The following LRRC8C variants were observed in gnomAD, a reference collection of about 807,000 sequenced individuals.
LRRC8C encodes leucine rich repeat containing 8 VRAC subunit C.
Under a neutral mutation model 55.3 loss-of-function variants are expected in LRRC8C, and 20 were observed. The observed-to-expected ratio is 0.36, with a 90% CI of 0.25 to 0.53. LRRC8C has a LOEUF of 0.53. Ranked by LOEUF, LRRC8C falls within the 20% of genes least tolerant of loss-of-function variation. The pLI, the probability that LRRC8C is intolerant of heterozygous loss-of-function variation, is 0.92. For missense variants in LRRC8C, 659 were observed against 951.4 expected (o/e 0.69, Z 4.04); for synonymous variants, 376 against 360.7 (o/e 1.04, Z -0.48).
intron 2 of LRRC8C, among the ~76,000 whole-genome samples, chr1:89,698,787 C>T (rs1249506971): frequency 6.6e-6 from 1 of 151,792 alleles, no homozygotes; most frequent in Non-Finnish European, 1.5e-5. Context: ...CTAATAAAAA[C>T]AGACCTTTTA....
At chr1:89,676,568 G>A (rs1407554160) in intron 1 of LRRC8C, among the ~76,000 whole-genome samples, 3 of 152,116 alleles carry the variant, frequency 2.0e-5, no homozygotes, top group Non-Finnish European at 2.9e-5. Flanking sequence ...CAAAATGCTC[G>A]ATTGGGTGTG....
the LRRC8C span, among the ~76,000 whole-genome samples, chr1:89,623,496 G>A: frequency 1.8e-4 from 27 of 152,274 alleles, no homozygotes; most frequent in Non-Finnish European, 1.5e-4. Flanking sequence ...GCTGAAGTGG[G>A]CAGATCACAA....
At position 89,714,261 on chromosome 1, in the gene LRRC8C, C is replaced by T; in HGVS notation, c.1691C>T (p.Ser564Phe). ...ATCCCTCAGGCAGTGGTTGATGTTT[C>T]CAGCCATCTCCAGAAGATGTGCATA... ...SKIPQAVVDV[S>F]SHLQKMCIHN... The change falls in exon 3 of 3, where the codon TCC becomes TTC. Residue 564 changes from serine (S) to phenylalanine (F), a missense_variant. By Grantham distance (155) the Ser-to-Phe change is radical. Transcript: ENST00000370454. This position sits in a 1 kb window ranked among gnomAD's most constrained non-coding sequence, Gnocchi z 4.6. The T allele has an allele frequency of 1.2e-6, 2 of 1,614,066 alleles. No individual in the cohort carries two copies. Among genetic ancestry groups the T allele is most frequent in the Non-Finnish European group, 1.7e-6 (2 of 1,180,012 alleles).
At chr1:89,707,968 C>T (rs1321631588) in intron 2 of LRRC8C, among the ~76,000 whole-genome samples, 1 of 152,056 alleles carries the variant, frequency 6.6e-6, no homozygotes, top group African/African-American at 2.4e-5. Context: ...TTTTCCTTTC[C>T]ATAAATGATT....
chr1:89,698,914 T>A (rs1452151598), intron 2 of LRRC8C, among the ~76,000 whole-genome samples: 6 of 151,920 alleles, frequency 3.9e-5, no homozygotes, highest in Non-Finnish European at 8.8e-5. Context: ...CTGGCCATGA[T>A]ATAAATGTTA....
chr1:89,667,385 C>T (rs753729800), intron 1 of LRRC8C, among the ~76,000 whole-genome samples: 4 of 152,114 alleles, frequency 2.6e-5, no homozygotes, highest in Non-Finnish European at 4.4e-5. Flanking sequence ...CTTTCTGTAG[C>T]CTCTCACTCC....
At chr1:89,690,092 G>A (rs912773621) in intron 2 of LRRC8C, among the ~76,000 whole-genome samples, 2 of 152,164 alleles carry the variant, frequency 1.3e-5, no homozygotes, top group Non-Finnish European at 2.9e-5. Flanking sequence ...CCAGGAGTTT[G>A]GGGTTAGTGA....
intron 1 of LRRC8C, among the ~76,000 whole-genome samples, chr1:89,680,320 G>A (rs564494049): frequency 2.6e-5 from 4 of 151,972 alleles, no homozygotes; most frequent in East Asian, 1.9e-4. Context: ...CTTGTGATCC[G>A]CCCACCTCGG....
chr1:89,669,941 C>T (rs966370607), intron 1 of LRRC8C, among the ~76,000 whole-genome samples: 1 of 151,968 alleles, frequency 6.6e-6, no homozygotes, highest in Non-Finnish European at 1.5e-5. Flanking sequence ...TTGCCTTTTC[C>T]TATAATAAAA....
chr1:89,665,312 C>G (rs1254490488), intron 1 of LRRC8C, among the ~76,000 whole-genome samples: 1 of 152,028 alleles, frequency 6.6e-6, no homozygotes, highest in Admixed American at 6.6e-5. Flanking sequence ...CCATTAATAC[C>G]TAGTTTATTG....
At chr1:89,652,273 A>G (rs775484795) in intron 1 of LRRC8C, among the ~76,000 whole-genome samples, 25 of 152,156 alleles carry the variant, frequency 1.6e-4, no homozygotes, top group Non-Finnish European at 2.8e-4. Context: ...GATGAAAGGA[A>G]TTGAGATATT....
At chr1:89,679,194 T>A (rs1478478382) in intron 1 of LRRC8C, among the ~76,000 whole-genome samples, 1 of 152,022 alleles carries the variant, frequency 6.6e-6, no homozygotes, top group Non-Finnish European at 1.5e-5. Flanking sequence ...ACCAAAAGGC[T>A]GTGGTGTCCT....
chr1:89,680,549 C>CTTTTTTTTTTTTTTTTTT (rs10593283), intron 1 of LRRC8C, among the ~76,000 whole-genome samples: 2 of 91,870 alleles, frequency 2.2e-5, no homozygotes, highest in Non-Finnish European at 3.8e-5. Flanking sequence ...TGCTTTCATG[C>CTTTTTTTTTTTTTTTTTT]TTTTTTTTTT....
At chr1:89,692,911 T>A (rs1370881167) in intron 2 of LRRC8C, among the ~76,000 whole-genome samples, 3 of 152,134 alleles carry the variant, frequency 2.0e-5, no homozygotes, top group African/African-American at 7.2e-5. Context: ...TGACTCCAGG[T>A]TATCTTATTA....
upstream of LRRC8C, among the ~76,000 whole-genome samples, chr1:89,631,165 C>G (rs1280064308): frequency 1.3e-5 from 2 of 152,174 alleles, no homozygotes; most frequent in African/African-American, 4.8e-5. Flanking sequence ...GTGATTGGCA[C>G]TGTTCTTGGT....
At position 89,718,901 on chromosome 1, in the gene LRRC8C, T is replaced by G. The variant is rs1453062186; in HGVS notation, c.*3919T>G. 4 of 152,162 alleles carry G rather than the reference T, an allele frequency of 2.6e-5. No homozygotes were observed. The highest frequency in any genetic ancestry group is 5.9e-5 in the Non-Finnish European group (4 of 68,010). 9.4% of individuals were successfully genotyped at this position (152,162 alleles called of 1,614,324 possible). Reference sequence around the variant, plus strand: ...ACTGCTTAAAAGATCAAGAAAATTTTCTCATCTTTTCTTTCTACTTAGAAA... The same window carrying G: ...ACTGCTTAAAAGATCAAGAAAATTTGCTCATCTTTTCTTTCTACTTAGAAA... On this transcript the variant is annotated 3_prime_UTR_variant, in exon 3 of 3. Coordinates refer to ENST00000370454, the MANE Select transcript of LRRC8C (RefSeq NM_032270.5).
Position 89,712,891 on chromosome 1 carries a change from G to A in LRRC8C, c.321G>A (p.Gln107=). The change falls in exon 3 of 3, where the codon CAG becomes CAA. Residue 107 remains glutamine, a synonymous_variant. Transcript: ENST00000370454. ...KGLKTDLDLQ[Q]YSFINQMCYE... ...TGAAGACAGATTTGGACCTTCAGCA[G>A]TACAGCTTTATAAATCAGATGTGTT... The A allele has an allele frequency of 1.2e-6, 2 of 1,614,140 alleles. No individual in the cohort carries two copies. Among genetic ancestry groups the A allele is most frequent in the Non-Finnish European group, 1.7e-6 (2 of 1,180,028 alleles).
In LRRC8C at chr1:89,714,806, C is replaced by T. The variant is rs961562952; in HGVS notation, c.2236C>T (p.Pro746Ser). The change falls in exon 3 of 3, where the codon CCG becomes TCG. Residue 746 changes from proline to serine, a missense_variant. Pro to Ser is a moderately conservative substitution (Grantham distance 74, BLOSUM62 -1). Around this residue, in one of 5 missense-constraint regions of LRRC8C, gnomAD observed 344 missense variants for 464.6 expected, o/e 0.74. Coordinates refer to ENST00000370454, the MANE Select transcript of LRRC8C (RefSeq NM_032270.5). The surrounding 1 kb of genome is among the most constrained non-coding windows in gnomAD (Gnocchi z 4.6). The stretch of plus-strand genomic sequence containing the variant: ...AAAAAACAGCCTATCTGTACTTTCA[C>T]CGAAAATTGGAAATTTGCTATTTCT... ...IGKNSLSVLS[P>S]KIGNLLFLSY... The T allele has an allele frequency of 1.2e-6, 2 of 1,614,050 alleles. No individual in the cohort carries two copies. The highest frequency in any genetic ancestry group is 2.2e-5 in the East Asian group (1 of 44,882).
Position 89,714,657 on chromosome 1 carries a change from G to A in LRRC8C, c.2087G>A (p.Arg696Gln), listed in dbSNP as rs764308538. The change falls in exon 3 of 3, where the codon CGA (arginine) becomes CAA (glutamine). Residue 696 changes from arginine to glutamine, a missense_variant. Arg to Gln is a conservative substitution (Grantham distance 43, BLOSUM62 1). Coordinates refer to ENST00000370454, the MANE Select transcript of LRRC8C (RefSeq NM_032270.5). This position sits in a 1 kb window ranked among gnomAD's most constrained non-coding sequence, Gnocchi z 4.6. ...TTGGACTTATCGTACAATGACATTC[G>A]ATTTATCCCCCCTGAAATTGGAGTT... ...RYLDLSYNDI[R>Q]FIPPEIGVLQ... 15 of 1,613,934 alleles carry A rather than the reference G, an allele frequency of 9.3e-6. No homozygotes were observed. In the African/African-American group the frequency reaches 9.3e-5, roughly 10 times the overall value.
Sources: allele counts gnomAD v4.1 joint callset (sites outside exome capture counted in the v4.1 genomes callset), GRCh38; gene constraint gnomAD v4.1.1; regional missense constraint gnomAD v4.1.1; non-coding constraint Gnocchi (gnomAD v3.1); transcripts MANE v1.5; gene names NCBI Gene and HGNC (gene_info 2026-07-23, HGNC 2026-07-21).